Variants in ZFYVE28 observed in about 807,000 individuals in gnomAD.
ZFYVE28 encodes the protein lateral signaling target protein 2 homolog.
Under a neutral mutation model 82.1 loss-of-function variants are expected in ZFYVE28, and 40 were observed. The ratio of observed to expected loss-of-function variants is 0.49; its 90% CI spans 0.38 to 0.63. The LOEUF (loss-of-function observed/expected upper bound fraction) is 0.63, where lower values mean the gene tolerates loss of function less well. Ranked by LOEUF, ZFYVE28 falls within the 30% of genes least tolerant of loss-of-function variation. The pLI, the probability that ZFYVE28 is intolerant of heterozygous loss-of-function variation, is 0.00. For synonymous variants in ZFYVE28, 612 were observed against 546.1 expected (o/e 1.12, Z -1.68); for missense variants, 1,321 against 1,242.1 (o/e 1.06, Z -0.96).
At chr4:2,413,313 C>T (rs377622548) in intron 1 of ZFYVE28, among the ~76,000 whole-genome samples, 27 of 152,382 alleles carry the variant, frequency 1.8e-4, no homozygotes, top group African/African-American at 6.3e-4. Flanking sequence ...GCACTGCACT[C>T]CCGCTGACCA....
intron 1 of ZFYVE28, among the ~76,000 whole-genome samples, chr4:2,415,667 C>T (rs1315416302): frequency 6.6e-6 from 1 of 152,168 alleles, no homozygotes; most frequent in Non-Finnish European, 1.5e-5. Flanking sequence ...CTTCCAGGCC[C>T]AGAATCTTCC....
chr4:2,313,848 C>CAAAAA (rs397958081), intron 7 of ZFYVE28, among the ~76,000 whole-genome samples: 2 of 80,778 alleles, frequency 2.5e-5, no homozygotes, highest in Non-Finnish European at 2.6e-5. Flanking sequence ...GACTCTGTCT[C>CAAAAA]AAAAAAAAAA....
chr4:2,353,513 G>A (rs561783273), intron 2 of ZFYVE28, among the ~76,000 whole-genome samples: 3 of 152,294 alleles, frequency 2.0e-5, no homozygotes, highest in East Asian at 1.9e-4. Flanking sequence ...GGTATTTTTA[G>A]CGGCAGCTTC....
At chr4:2,410,454 CTTTTTT>C (rs11358765) in intron 1 of ZFYVE28, among the ~76,000 whole-genome samples, 2 of 119,340 alleles carry the variant, frequency 1.7e-5, no homozygotes, top group African/African-American at 3.2e-5. Flanking sequence ...TCCTCCCTTT[CTTTTTT>C]TTTTTTTTTT....
At chr4:2,364,750 T>A (rs1726638992) in intron 1 of ZFYVE28, 1 of 985,402 alleles carries the variant, frequency 1.0e-6, no homozygotes, top group Non-Finnish European at 1.2e-6. Context: ...CATAACGTTG[T>A]GCATTCCCGC....
At chr4:2,336,791 T>TGAGGAGATGAGGAGGTGAGGAGG (rs1721805435) in intron 5 of ZFYVE28, among the ~76,000 whole-genome samples, 5 of 106,016 alleles carry the variant, frequency 4.7e-5, no homozygotes, top group Admixed American at 1.7e-4. Context: ...AGGTGAGGAG[T>TGAGGAGATGAGGAGGTGAGGAGG]GAGGAGATGA....
chr4:2,359,006 G>A (rs1439109003), intron 1 of ZFYVE28, among the ~76,000 whole-genome samples: 71 of 138,670 alleles, frequency 5.1e-4, no homozygotes, highest in Non-Finnish European at 7.0e-4. Context: ...ACAGAGTCTC[G>A]CTCTGTCGCC....
Position 2,270,334 on chromosome 4 carries a change from A to C in ZFYVE28, c.*391T>G. ...TGGAGTGGCCCTTGCTCCGGCTTCC[A>C]GATTCACCGCAACAGCAGAGGCGCA... On this transcript the variant is annotated 3_prime_UTR_variant, in exon 13 of 13. Coordinates refer to ENST00000290974, the MANE Select transcript of ZFYVE28 (RefSeq NM_020972.3). The C allele has an allele frequency of 4.6e-6, 1 of 218,046 alleles. No individual in the cohort carries two copies. The highest frequency in any genetic ancestry group is 2.8e-5 in the African/African-American group (1 of 35,270). 13.5% of individuals were successfully genotyped at this position (218,046 alleles called of 1,614,324 possible).
rs747198914 is a variant in ZFYVE28 at position 2,335,957 on chromosome 4, G to T, written c.612-163C>A. Among the ~76,000 whole-genome samples the T allele has an allele frequency of 6.6e-6, 1 of 152,228 alleles. No individual in the cohort carries two copies. The highest frequency in any genetic ancestry group is 1.5e-5 in the Non-Finnish European group (1 of 68,038). ...CCACCCCCAGTCCTCATATGTGCAA[G>T]GGGCTGGGACTGCAGGAAAAGGCCA... On this transcript the variant is annotated intron_variant, in intron 5 of 12. Transcript: ENST00000290974. The surrounding 1 kb of genome is among the most constrained non-coding windows in gnomAD (Gnocchi z 5.8).
chr4:2,381,333 G>A (rs958700541), intron 1 of ZFYVE28, among the ~76,000 whole-genome samples: 5 of 152,252 alleles, frequency 3.3e-5, no homozygotes, highest in African/African-American at 9.6e-5. Flanking sequence ...TGACTTGGGT[G>A]CTGTTAAAGG....
intron 1 of ZFYVE28, among the ~76,000 whole-genome samples, chr4:2,368,068 T>G (rs1727075429): frequency 1.3e-5 from 2 of 152,022 alleles, no homozygotes; most frequent in African/African-American, 4.8e-5. Context: ...GAGATGGGAC[T>G]CACATGCCAT....
intron 8 of ZFYVE28, among the ~76,000 whole-genome samples, chr4:2,292,532 G>C (rs1370553308): frequency 2.0e-5 from 3 of 152,216 alleles, no homozygotes; most frequent in African/African-American, 7.2e-5. Flanking sequence ...TAACAAGTCA[G>C]TGCCTCTGAG....
chr4:2,334,623 C>G (rs1721288456), intron 6 of ZFYVE28, among the ~76,000 whole-genome samples: 2 of 150,980 alleles, frequency 1.3e-5, no homozygotes, highest in African/African-American at 4.9e-5. Flanking sequence ...TCTGTGCCCA[C>G]CCCCCACTCC....
At chr4:2,352,420 G>T (rs548322772) in intron 2 of ZFYVE28, among the ~76,000 whole-genome samples, 1 of 151,990 alleles carries the variant, frequency 6.6e-6, no homozygotes, top group African/African-American at 2.4e-5. Context: ...GGGAGGAAGA[G>T]GGGGAGGCGT....
intron 7 of ZFYVE28, among the ~76,000 whole-genome samples, chr4:2,308,630 A>AC (rs1716958351): frequency 4.2e-5 from 4 of 95,846 alleles, no homozygotes; most frequent in African/African-American, 1.6e-4. Context: ...AAGAAGACAG[A>AC]AAGAAAGAAA....
In ZFYVE28 at chr4:2,284,226, A is replaced by G. The variant is rs144653687; in HGVS notation, c.2052-10010T>C. 3.9e-5 allele frequency among the ~76,000 whole-genome samples: 6 copies of G among 152,284 alleles called. 1 individual carries two copies. The highest frequency in any genetic ancestry group is 1.4e-4 in the African/African-American group (6 of 41,564). ...CCAGCCTGCAAATGAGTGTTCAGAA[A>G]TGAGACCATTTCCCACCGTGATAAA... On this transcript the variant is annotated intron_variant, in intron 8 of 12. Coordinates refer to ENST00000290974, the MANE Select transcript of ZFYVE28 (RefSeq NM_020972.3).
chr4:2,409,681 A>T lies in ZFYVE28; in HGVS notation c.39+8604T>A, dbSNP rs1732306325. Among the ~76,000 whole-genome samples, 1 of 152,220 alleles carries T rather than the reference A, an allele frequency of 6.6e-6. No individual in the cohort carries two copies. Among genetic ancestry groups the T allele is most frequent in the Non-Finnish European group, 1.5e-5 (1 of 68,042 alleles). On this transcript the variant is annotated intron_variant, in intron 1 of 12. Transcript: ENST00000290974. This position sits in a 1 kb window ranked among gnomAD's most constrained non-coding sequence, Gnocchi z 4.4. ...GCGCTGTGAGAAGGCTGAGTCCAGT[A>T]CACCCACGGTGGGGTGGGGGGGCTG...
At chr4:2,276,411 A>T (rs1456912926) in intron 8 of ZFYVE28, among the ~76,000 whole-genome samples, 2 of 152,144 alleles carry the variant, frequency 1.3e-5, no homozygotes, top group African/African-American at 4.8e-5. Context: ...GAGCTGAATA[A>T]GGGAGGGGCC....
At chr4:2,294,349 A>G (rs747090656) in intron 8 of ZFYVE28, among the ~76,000 whole-genome samples, 3 of 152,230 alleles carry the variant, frequency 2.0e-5, no homozygotes, top group Non-Finnish European at 2.9e-5. Flanking sequence ...TGGAGAAGGA[A>G]TAGTCTTTCC....
Sources: allele counts gnomAD v4.1 joint callset (sites outside exome capture counted in the v4.1 genomes callset), GRCh38; gene constraint gnomAD v4.1.1; non-coding constraint Gnocchi (gnomAD v3.1); transcripts MANE v1.5; gene names NCBI Gene and HGNC (gene_info 2026-07-23, HGNC 2026-07-21).